Variants in KLHL4 observed in about 807,000 individuals in gnomAD.
The protein encoded by KLHL4 is kelch-like protein 4.
In KLHL4, 17 loss-of-function variants were observed where a neutral mutation model predicts 45.8. The ratio of observed to expected loss-of-function variants is 0.37; its 90% CI spans 0.25 to 0.56. The LOEUF is 0.56. Among genes scored for constraint, KLHL4 ranks in the 20% least tolerant of loss-of-function variants. KLHL4 has a pLI of 0.79. For missense variants in KLHL4, 544 were observed against 544.9 expected, an observed-to-expected ratio of 1.00 and a Z score of 0.02; for synonymous variants, 224 against 189.9, an observed-to-expected ratio of 1.18 and a Z score of -1.47.
At chrX:87,563,352 A>G (rs968250390) in intron 1 of KLHL4, among the ~76,000 whole-genome samples, 4 of 110,303 alleles carry the variant, frequency 3.6e-5, no homozygotes, top group African/African-American at 1.3e-4. Flanking sequence ...TTTCGGAGAG[A>G]TAGTTCAAAA....
intron 1 of KLHL4, among the ~76,000 whole-genome samples, chrX:87,538,353 T>G (rs1931478061): frequency 9.0e-6 from 1 of 111,605 alleles, no homozygotes; most frequent in East Asian, 2.8e-4. Flanking sequence ...TGTGCCTAAA[T>G]ATCTGAGTGT....
intron 3 of KLHL4, among the ~76,000 whole-genome samples, chrX:87,614,779 A>G (rs1026351586): frequency 1.8e-5 from 2 of 110,966 alleles, no homozygotes; most frequent in African/African-American, 3.3e-5. Context: ...TTAGGATATA[A>G]ACTCGATAAT....
At chrX:87,639,546 A>G (rs1231041217) in intron 9 of KLHL4, among the ~76,000 whole-genome samples, 1 of 111,551 alleles carries the variant, frequency 9.0e-6, no homozygotes, top group East Asian at 2.8e-4. Flanking sequence ...TTGGAAATCA[A>G]CTCTAGAAGA....
At chrX:87,652,089 A>G (rs1192887788) in intron 9 of KLHL4, among the ~76,000 whole-genome samples, 2 of 112,288 alleles carry the variant, frequency 1.8e-5, no homozygotes, top group East Asian at 5.6e-4. Context: ...TGGGGCTTGC[A>G]CCCTCCAAAG....
chrX:87,568,393 T>TTC (rs1194780248), intron 1 of KLHL4, among the ~76,000 whole-genome samples: 2 of 97,565 alleles, frequency 2.0e-5, no homozygotes, highest in African/African-American at 7.4e-5. Flanking sequence ...CTTTTTTTCT[T>TTC]TTTTTTTTTT....
At position 87,590,609 on chromosome X, in the gene KLHL4, T is replaced by C. The variant is rs62608268; in HGVS notation, c.423-23268T>C. 1.9e-3 allele frequency among the ~76,000 whole-genome samples: 215 copies of C among 111,753 alleles called. 1 individual carries two copies. The highest frequency in any genetic ancestry group is 3.3e-3 in the Non-Finnish European group (177 of 53,109). ...AAAATATATTACAAAGGGATAGTAATTAAAACACTATGTTACTGGCATAAA... is the reference window on the plus strand; with the variant it reads ...AAAATATATTACAAAGGGATAGTAACTAAAACACTATGTTACTGGCATAAA... On this transcript the variant is annotated intron_variant, in intron 1 of 10. Coordinates refer to ENST00000373119, the MANE Select transcript of KLHL4 (RefSeq NM_019117.5).
chrX:87,571,850 A>G (rs866647875), intron 1 of KLHL4, among the ~76,000 whole-genome samples: 2 of 110,837 alleles, frequency 1.8e-5, no homozygotes, highest in African/African-American at 3.3e-5. Flanking sequence ...TGTCATGTTT[A>G]TGTCTGTATG....
chrX:87,555,681 A>G (rs754947422), intron 1 of KLHL4, among the ~76,000 whole-genome samples: 2,799 of 105,617 alleles, frequency 0.027, 51 homozygotes, highest in Middle Eastern at 0.048. Flanking sequence ...TCCTGGATTC[A>G]TTAATTTTTT....
chrX:87,618,226 T>G, intron 4 of KLHL4, 98 bp downstream of exon 4: 1 of 640,565 alleles, frequency 1.6e-6, no homozygotes, highest in Non-Finnish European at 2.2e-6. Context: ...GTAGATGACT[T>G]TCACATATGA....
At chrX:87,610,997 C>A (rs1922351843) in intron 1 of KLHL4, among the ~76,000 whole-genome samples, 1 of 111,007 alleles carries the variant, frequency 9.0e-6, no homozygotes, top group Non-Finnish European at 1.9e-5. Context: ...TCGCTTGAAC[C>A]CAGGAGGCAG....
At chrX:87,589,358 C>A (rs1921585564) in intron 1 of KLHL4, among the ~76,000 whole-genome samples, 1 of 111,995 alleles carries the variant, frequency 8.9e-6, no homozygotes, top group Admixed American at 9.4e-5. Context: ...ATCTGCAATC[C>A]TATGTTTGTC....
In KLHL4 at chrX:87,668,293, G is replaced by C. The variant is rs1013193568; in HGVS notation, c.*1759G>C. 395 of 751,404 alleles carry C rather than the reference G, an allele frequency of 5.3e-4. No individual in the cohort carries two copies. Among genetic ancestry groups the C allele is most frequent in the Non-Finnish European group, 5.9e-4 (378 of 637,776 alleles). 61.9% of individuals were successfully genotyped at this position (751,404 alleles called of 1,213,427 possible). A position where few individuals can be genotyped will look rare whatever the true frequency, so the allele number is the denominator to read the frequency against. ...AGTGGAAAAGATCAAAGGACCTTTT[G>C]CAGCCTAGCTTGCCAATCTTCCAGT... is the stretch of plus-strand genomic sequence containing the variant. On this transcript the variant is annotated 3_prime_UTR_variant, in exon 11 of 11. Coordinates refer to ENST00000373119, the MANE Select transcript of KLHL4 (RefSeq NM_019117.5).
chrX:87,567,934 C>G (rs1356858870), intron 1 of KLHL4, among the ~76,000 whole-genome samples: 1 of 110,786 alleles, frequency 9.0e-6, no homozygotes, highest in East Asian at 2.8e-4. Context: ...GACAGACCTG[C>G]ACATTTACTC....
rs868017359 is a variant in KLHL4 at position 87,555,046 on chromosome X, C to G, written c.422+36731C>G. ...TATTGATTTGTGTATATTGAACCAG[C>G]CTTGCATCCCAGGGATGAAGCCCCC... is the stretch of plus-strand genomic sequence containing the variant. On this transcript the variant is annotated intron_variant, in intron 1 of 10. Transcript: ENST00000373119. 1.1e-3 allele frequency among the ~76,000 whole-genome samples: 111 copies of G among 100,278 alleles called. 1 individual carries two copies. Among genetic ancestry groups the G allele is most frequent in the Non-Finnish European group, 1.9e-3 (95 of 50,221 alleles). The allele number at this position is 100,278 out of a possible 115,157, so 87.1% of individuals were successfully genotyped here.
In KLHL4 at chrX:87,668,460, C is replaced by T. The variant is rs187279983; in HGVS notation, c.*1926C>T. On this transcript the variant is annotated 3_prime_UTR_variant, in exon 11 of 11. Coordinates refer to ENST00000373119, the MANE Select transcript of KLHL4 (RefSeq NM_019117.5). ...TCATAGAAGAGACATGTATGTTTCC[C>T]GGGGCTACCCCTTCATAGCTGCATT... is the stretch of plus-strand genomic sequence containing the variant. The T allele has an allele frequency of 4.6e-4, 343 of 751,345 alleles. 1 individual carries two copies. Among genetic ancestry groups the T allele is most frequent in the Admixed American group, 2.3e-3 (26 of 11,340 alleles). 61.9% of individuals were successfully genotyped at this position (751,345 alleles called of 1,213,427 possible).
At chrX:87,602,870 C>T (rs776846836) in intron 1 of KLHL4, among the ~76,000 whole-genome samples, 28 of 111,877 alleles carry the variant, frequency 2.5e-4, no homozygotes, top group Non-Finnish European at 5.1e-4. Flanking sequence ...GATTTCTGGG[C>T]AGATATCTTT....
chrX:87,551,907 AG>A (rs750468679), intron 1 of KLHL4, among the ~76,000 whole-genome samples: 1 of 111,876 alleles, frequency 8.9e-6, no homozygotes, highest in Non-Finnish European at 1.9e-5. Context: ...TCAACTCAAG[AG>A]GGATTAAGGA....
chrX:87,581,421 G>C (rs1921274523), intron 1 of KLHL4, among the ~76,000 whole-genome samples: 1 of 112,399 alleles, frequency 8.9e-6, no homozygotes, highest in Non-Finnish European at 1.9e-5. Context: ...GACTGTGTGA[G>C]ACGTCCCAAC....
At position 87,669,444 on chromosome X, in the gene KLHL4, G is replaced by A. The variant is rs770982947; in HGVS notation, c.*2910G>A. On this transcript the variant is annotated 3_prime_UTR_variant, in exon 11 of 11. Transcript: ENST00000373119. ...AATGACATTTATCAATCTGACTCAG[G>A]TGTGGCTGTTGCCCCTTTTTGATAT... is the stretch of plus-strand genomic sequence containing the variant. 2 of 1,194,632 alleles carry A rather than the reference G, an allele frequency of 1.7e-6. No homozygotes were observed. Among genetic ancestry groups the A allele is most frequent in the South Asian group, 3.7e-5 (2 of 53,997 alleles).
Sources: gnomAD v4.1 joint callset for allele counts (sites outside exome capture counted in the v4.1 genomes callset) on GRCh38, gnomAD v4.1.1 for gene constraint, MANE v1.5 for transcripts, NCBI Gene and HGNC (gene_info 2026-07-23, HGNC 2026-07-21) for gene names.